The following PARVA variants were observed in gnomAD, a reference collection of about 807,000 sequenced individuals.
PARVA encodes alpha-parvin.
Under a neutral mutation model 52.6 loss-of-function variants are expected in PARVA, and 25 were observed. That is an observed-to-expected ratio of 0.48 (90% CI 0.35 to 0.66). The LOEUF (loss-of-function observed/expected upper bound fraction) is 0.66, where lower values mean the gene tolerates loss of function less well. PARVA is among the 30% of genes least tolerant of loss of function. The pLI, the probability that PARVA is intolerant of heterozygous loss-of-function variation, is 0.01. For synonymous variants in PARVA, 185 were observed against 179.1 expected (o/e 1.03, Z -0.26); for missense variants, 373 against 450.9 (o/e 0.83, Z 1.56).
intron 4 of PARVA, among the ~76,000 whole-genome samples, chr11:12,485,944 T>C (rs1941153751): frequency 1.3e-5 from 2 of 152,098 alleles, no homozygotes; most frequent in Admixed American, 1.3e-4. Context: ...ACAATGCAAG[T>C]GTGAAAAACC....
intron 1 of PARVA, among the ~76,000 whole-genome samples, chr11:12,412,088 T>C (rs6485712): frequency 0.18 from 27,302 of 150,800 alleles, 5,574 homozygotes; most frequent in African/African-American, 0.52. Flanking sequence ...CCACTTTCCT[T>C]ACAGAGACTG....
intron 1 of PARVA, among the ~76,000 whole-genome samples, chr11:12,414,433 T>G (rs1319539558): frequency 6.6e-6 from 1 of 152,248 alleles, no homozygotes; most frequent in Admixed American, 6.5e-5. Flanking sequence ...GAGTTAGTAT[T>G]AAATAATTTT....
At chr11:12,520,790 A>G (rs1941627002) in intron 12 of PARVA, among the ~76,000 whole-genome samples, 1 of 152,164 alleles carries the variant, frequency 6.6e-6, no homozygotes, top group African/African-American at 2.4e-5. Context: ...CCTGTACAAA[A>G]AATACAAAAA....
intron 1 of PARVA, among the ~76,000 whole-genome samples, chr11:12,445,005 G>C (rs1023987098): frequency 6.6e-6 from 1 of 152,184 alleles, no homozygotes; most frequent in African/African-American, 2.4e-5. Context: ...AGTGGTCTAG[G>C]GGAGGGCTGT....
chr11:12,404,688 G>A (rs1394299113), intron 1 of PARVA, among the ~76,000 whole-genome samples: 2 of 152,216 alleles, frequency 1.3e-5, no homozygotes, highest in African/African-American at 2.4e-5. Flanking sequence ...AGGGTAGCGC[G>A]GGTGGCCCTG....
intron 1 of PARVA, among the ~76,000 whole-genome samples, chr11:12,466,677 T>TA: frequency 6.6e-6 from 1 of 152,224 alleles, no homozygotes; most frequent in Admixed American, 6.5e-5. Flanking sequence ...GTGTTGTATC[T>TA]AAAAACTCAT....
chr11:12,520,543 C>A (rs1941623416), intron 12 of PARVA, among the ~76,000 whole-genome samples: 1 of 152,160 alleles, frequency 6.6e-6, no homozygotes, highest in African/African-American at 2.4e-5. Flanking sequence ...GCCTTGAAAT[C>A]CCCTAGAAAC....
intron 4 of PARVA, among the ~76,000 whole-genome samples, chr11:12,494,729 A>G (rs1405978858): frequency 6.6e-6 from 1 of 152,186 alleles, no homozygotes; most frequent in African/African-American, 2.4e-5. Context: ...CAGAGACCTA[A>G]GCTGAAAATC....
chr11:12,500,684 G>A (rs748245924), intron 5 of PARVA, among the ~76,000 whole-genome samples: 5 of 152,100 alleles, frequency 3.3e-5, no homozygotes, highest in East Asian at 1.9e-4. Flanking sequence ...CCAGCTACTC[G>A]GGAGGCTGAG....
intron 1 of PARVA, among the ~76,000 whole-genome samples, chr11:12,378,286 T>C (rs1019961251): frequency 1.3e-5 from 2 of 152,316 alleles, no homozygotes; most frequent in Admixed American, 6.5e-5. Context: ...TGACGTCCTC[T>C]GGCAGCGGCG....
intron 10 of PARVA, among the ~76,000 whole-genome samples, chr11:12,515,187 TA>T (rs1330684616): frequency 2.0e-5 from 3 of 152,258 alleles, no homozygotes; most frequent in Admixed American, 1.3e-4. Flanking sequence ...CCTCTCTTTA[TA>T]CTTAACTAAT....
intron 1 of PARVA, among the ~76,000 whole-genome samples, chr11:12,453,886 C>T (rs1940658680): frequency 1.3e-5 from 2 of 152,128 alleles, no homozygotes; most frequent in Non-Finnish European, 2.9e-5. Context: ...GTGAGCGAGC[C>T]CTCTTGGTTC....
chr11:12,382,375 CTT>C (rs368655323), intron 1 of PARVA, among the ~76,000 whole-genome samples: 4,904 of 138,736 alleles, frequency 0.035, 129 homozygotes, highest in Admixed American at 0.096. Context: ...ACATGAGTAA[CTT>C]TTTCTTTTTT....
At chr11:12,377,562 C>G (rs1939411028), upstream of PARVA, 1 of 1,488,026 alleles carries the variant, frequency 6.7e-7, no homozygotes. Flanking sequence ...TTTGGAAAGC[C>G]GCAGCCTCAG....
At chr11:12,483,102 A>T (rs1941110200) in intron 4 of PARVA, among the ~76,000 whole-genome samples, 1 of 152,190 alleles carries the variant, frequency 6.6e-6, no homozygotes, top group Non-Finnish European at 1.5e-5. Flanking sequence ...TGCTCACAGC[A>T]GTGTCTGCCT....
chr11:12,387,783 G>T (rs1939600806), intron 1 of PARVA, among the ~76,000 whole-genome samples: 2 of 151,874 alleles, frequency 1.3e-5, no homozygotes, highest in African/African-American at 4.8e-5. Flanking sequence ...GGTGCAGGGG[G>T]TGACCAGATG....
chr11:12,431,400 C>G (rs917563923), intron 1 of PARVA, among the ~76,000 whole-genome samples: 32 of 152,370 alleles, frequency 2.1e-4, no homozygotes, highest in African/African-American at 7.7e-4. Flanking sequence ...CCAGGAGGCT[C>G]AGGCCCACCA....
At chr11:12,491,922 T>C (rs892568613) in intron 4 of PARVA, among the ~76,000 whole-genome samples, 1 of 152,210 alleles carries the variant, frequency 6.6e-6, no homozygotes, top group African/African-American at 2.4e-5. Flanking sequence ...AATTTGACTA[T>C]GCCCATAAAG....
At chr11:12,410,410 GC>G (rs1939977609) in intron 1 of PARVA, among the ~76,000 whole-genome samples, 1 of 152,272 alleles carries the variant, frequency 6.6e-6, no homozygotes, top group East Asian at 1.9e-4. Flanking sequence ...CTCTTGGGCT[GC>G]GGTTATTTTC....
Sources: allele counts gnomAD v4.1 joint callset (sites outside exome capture counted in the v4.1 genomes callset), GRCh38; gene constraint gnomAD v4.1.1; transcripts MANE v1.5; gene names NCBI Gene and HGNC (gene_info 2026-07-23, HGNC 2026-07-21).